The following TTC6 variants were observed in gnomAD, a reference collection of about 807,000 sequenced individuals.
TTC6 encodes tetratricopeptide repeat domain 6.
Under a neutral mutation model 210.4 loss-of-function variants are expected in TTC6, and 172 were observed. The observed-to-expected ratio is 0.82, with a 90% CI of 0.72 to 0.93. The LOEUF is 0.93. Ranked by LOEUF, TTC6 falls within the 40% of genes least tolerant of loss-of-function variation. The pLI is 0.00. For missense variants in TTC6, 2,414 were observed against 2,318.1 expected (o/e 1.04, Z -0.85); for synonymous variants, 804 against 819.6 (o/e 0.98, Z 0.32).
chr14:37,642,948 A>G (rs1432433698), intron 1 of TTC6, among the ~76,000 whole-genome samples: 1 of 152,232 alleles, frequency 6.6e-6, no homozygotes, highest in Admixed American at 6.5e-5. Flanking sequence ...TTATGGAATC[A>G]CTGTCATATA....
chr14:37,827,271 A>G, exon 29 of TTC6: 2 of 1,613,364 alleles, frequency 1.2e-6, no homozygotes, highest in Non-Finnish European at 1.7e-6. Flanking sequence ...GAATGCAATG[A>G]AAGACTACCA....
exon 13 of TTC6, chr14:37,751,139 A>T (rs951972654): frequency 3.3e-6 from 5 of 1,533,534 alleles, no homozygotes; most frequent in Non-Finnish European, 4.4e-6. Context: ...AATTAAATCC[A>T]CGCCCACAGA....
intron 3 of TTC6, among the ~76,000 whole-genome samples, chr14:37,689,975 A>G (rs1465816731): frequency 6.6e-6 from 1 of 152,196 alleles, no homozygotes; most frequent in African/African-American, 2.4e-5. Context: ...CTAAATGATT[A>G]ACCAACAAAA....
At chr14:37,682,358 T>A (rs1312348326) in intron 2 of TTC6, among the ~76,000 whole-genome samples, 1 of 152,106 alleles carries the variant, frequency 6.6e-6, no homozygotes, top group Non-Finnish European at 1.5e-5. Flanking sequence ...GAGCTCCTGC[T>A]TGATGACTTG....
chr14:37,728,213 A>G (rs796787151), intron 7 of TTC6, among the ~76,000 whole-genome samples: 87 of 152,278 alleles, frequency 5.7e-4, no homozygotes, highest in African/African-American at 2.0e-3. Context: ...TTTATGTGGC[A>G]TATTTATTTC....
At chr14:37,708,072 C>G (rs1469323318) in intron 5 of TTC6, among the ~76,000 whole-genome samples, 1 of 151,816 alleles carries the variant, frequency 6.6e-6, no homozygotes, top group Non-Finnish European at 1.5e-5. Context: ...TTACTATAAG[C>G]TTTTCTTCTG....
chr14:37,694,540 G>A (rs2095810765), intron 3 of TTC6, among the ~76,000 whole-genome samples: 1 of 152,074 alleles, frequency 6.6e-6, no homozygotes, highest in Non-Finnish European at 1.5e-5. Flanking sequence ...ACTAAAAATA[G>A]AACTACCATA....
At chr14:37,797,014 C>A (rs1365547236) in intron 20 of TTC6, 67 bp downstream of exon 22, 4 of 1,310,384 alleles carry the variant, frequency 3.1e-6, no homozygotes, top group Non-Finnish European at 4.0e-6. Flanking sequence ...GCTTAGTATA[C>A]CACTTTAAAT....
intron 18 of TTC6, among the ~76,000 whole-genome samples, 156 bp downstream of exon 20, chr14:37,795,508 C>G (rs1303167209): frequency 6.6e-6 from 1 of 152,130 alleles, no homozygotes; most frequent in East Asian, 1.9e-4. Context: ...GTTTGTTAAA[C>G]TTTGAGATAG....
chr14:37,799,314 G>A (rs1316808247), intron 20 of TTC6, among the ~76,000 whole-genome samples: 1 of 151,914 alleles, frequency 6.6e-6, no homozygotes, highest in Non-Finnish European at 1.5e-5. Flanking sequence ...TTGCTCTCTT[G>A]ACCTCACCAA....
intron 1 of TTC6, among the ~76,000 whole-genome samples, chr14:37,599,607 G>T (rs1041028110): frequency 6.6e-6 from 1 of 152,168 alleles, no homozygotes; most frequent in Non-Finnish European, 1.5e-5. Flanking sequence ...CCGGATGTCG[G>T]AGCCGGAGCT....
chr14:37,718,324 T>G (rs187228890), intron 6 of TTC6, among the ~76,000 whole-genome samples: 138 of 152,282 alleles, frequency 9.1e-4, no homozygotes, highest in African/African-American at 3.2e-3. Context: ...AATTGCATGA[T>G]CATATTAATC....
intron 6 of TTC6, among the ~76,000 whole-genome samples, chr14:37,718,887 G>A (rs571497231): frequency 2.6e-5 from 4 of 152,188 alleles, no homozygotes; most frequent in Admixed American, 2.0e-4. Context: ...GCAGTGAGCC[G>A]TGATCATGCA....
At chr14:37,693,221 CA>C (rs906522055) in intron 3 of TTC6, among the ~76,000 whole-genome samples, 1 of 152,000 alleles carries the variant, frequency 6.6e-6, no homozygotes, top group African/African-American at 2.4e-5. Context: ...AGTTGACATG[CA>C]AAAATCAGTA....
intron 14 of TTC6, among the ~76,000 whole-genome samples, chr14:37,765,204 C>A: frequency 6.6e-6 from 1 of 151,940 alleles, no homozygotes; most frequent in East Asian, 1.9e-4. Flanking sequence ...ACTCTGTGCC[C>A]CAGGCTGGAA....
At chr14:37,813,394 G>A (rs1380707508) in intron 25 of TTC6, among the ~76,000 whole-genome samples, 1 of 152,172 alleles carries the variant, frequency 6.6e-6, no homozygotes, top group Non-Finnish European at 1.5e-5. Context: ...AAAACGATGG[G>A]CAACAGTGTT....
intron 1 of TTC6, among the ~76,000 whole-genome samples, chr14:37,640,481 A>C (rs2095689802): frequency 6.6e-6 from 1 of 152,118 alleles, no homozygotes; most frequent in African/African-American, 2.4e-5. Flanking sequence ...CTAGTCCTCC[A>C]CGAATTTTTT....
exon 29 of TTC6, chr14:37,827,257 A>T: frequency 6.2e-7 from 1 of 1,613,232 alleles, no homozygotes; most frequent in Non-Finnish European, 8.5e-7. Flanking sequence ...ATGGGCCACA[A>T]ACAGAATGCA....
intron 6 of TTC6, among the ~76,000 whole-genome samples, chr14:37,721,999 G>C (rs1030452992): frequency 6.7e-6 from 1 of 149,700 alleles, no homozygotes; most frequent in Non-Finnish European, 1.5e-5. Flanking sequence ...TCTCCCCCAG[G>C]GTCTCAGACT....
Sources: gnomAD v4.1 joint callset for allele counts (sites outside exome capture counted in the v4.1 genomes callset) on GRCh38, gnomAD v4.1.1 for gene constraint, MANE v1.5 for transcripts, NCBI Gene and HGNC (gene_info 2026-07-23, HGNC 2026-07-21) for gene names.